The following CLSTN2 variants were observed in gnomAD, a reference collection of about 807,000 sequenced individuals.
CLSTN2 encodes calsyntenin-2.
A neutral mutation model predicts 101.2 loss-of-function variants in CLSTN2; 48 were observed. The ratio of observed to expected loss-of-function variants is 0.47; its 90% confidence interval spans 0.38 to 0.60. The LOEUF is 0.60. CLSTN2 is among the 20% of genes least tolerant of loss of function. The pLI is 0.00. For missense variants in CLSTN2, 1,160 were observed against 1,238.2 expected (o/e 0.94, Z 0.95); for synonymous variants, 481 against 463.6 (o/e 1.04, Z -0.48).
chr3:140,403,600 C>T, intron 2 of CLSTN2, 29 bp from the exon 3 acceptor site: 3 of 1,560,054 alleles, frequency 1.9e-6, no homozygotes, highest in South Asian at 1.2e-5. Context: ...TCTCAGGATT[C>T]CCACTCACTG....
chr3:140,057,646 G>C (rs1483579047), intron 1 of CLSTN2, among the ~76,000 whole-genome samples: 1 of 151,966 alleles, frequency 6.6e-6, no homozygotes, highest in African/African-American at 2.4e-5. Flanking sequence ...CTATGTTATA[G>C]TTCTCTCTTT....
chr3:140,533,388 G>A (rs1935298608), intron 9 of CLSTN2, among the ~76,000 whole-genome samples: 1 of 152,110 alleles, frequency 6.6e-6, no homozygotes, highest in Admixed American at 6.5e-5. Context: ...TCACCATGAG[G>A]GGCTGGGGAT....
At chr3:139,988,463 A>G (rs970455203) in intron 1 of CLSTN2, among the ~76,000 whole-genome samples, 4 of 152,198 alleles carry the variant, frequency 2.6e-5, no homozygotes, top group Non-Finnish European at 5.9e-5. Context: ...TCAGTTACAA[A>G]GTCCGTTTAT....
At chr3:140,280,455 G>A (rs2086834638) in intron 2 of CLSTN2, among the ~76,000 whole-genome samples, 1 of 152,148 alleles carries the variant, frequency 6.6e-6, no homozygotes, top group Non-Finnish European at 1.5e-5. Flanking sequence ...GAAGGAGAAA[G>A]GGCAGCAAGA....
At chr3:140,355,167 T>C (rs2087655887) in intron 2 of CLSTN2, among the ~76,000 whole-genome samples, 1 of 152,220 alleles carries the variant, frequency 6.6e-6, no homozygotes, top group South Asian at 2.1e-4. Context: ...AAATTGTGCA[T>C]GGATAAAAAA....
chr3:140,469,530 C>A (rs1483614696), intron 8 of CLSTN2, among the ~76,000 whole-genome samples: 1 of 152,198 alleles, frequency 6.6e-6, no homozygotes, highest in Non-Finnish European at 1.5e-5. Context: ...TCACCTCCCC[C>A]AGGAAGCCAT....
chr3:140,331,388 A>G (rs2087382039), intron 2 of CLSTN2, among the ~76,000 whole-genome samples: 1 of 152,108 alleles, frequency 6.6e-6, no homozygotes, highest in South Asian at 2.1e-4. Context: ...GTCCTCTGAA[A>G]ATACCCTCTC....
At position 140,560,335 on chromosome 3, in the gene CLSTN2, G is replaced by T. The variant is rs114113386; in HGVS notation, c.2041+1478G>T. On this transcript the variant is annotated intron_variant, in intron 12 of 16. Transcript: ENST00000458420. ...TATGCTGTCAATACCAAAGACAGGA[G>T]ATTCCCCCAACATGCACACACACAC... is the stretch of plus-strand genomic sequence containing the variant. Among the ~76,000 whole-genome samples the T allele has an allele frequency of 2.3e-3, 350 of 152,292 alleles. 1 individual carries two copies. Among genetic ancestry groups the T allele is most frequent in the Middle Eastern group, 0.01 (3 of 294 alleles).
intron 1 of CLSTN2, among the ~76,000 whole-genome samples, chr3:140,045,540 T>C (rs1438997288): frequency 6.6e-6 from 1 of 151,892 alleles, no homozygotes; most frequent in Admixed American, 6.6e-5. Context: ...TTCTGCTAGT[T>C]ATTTCTTGTC....
chr3:140,159,686 G>T (rs1341517639), intron 1 of CLSTN2, among the ~76,000 whole-genome samples: 3 of 151,994 alleles, frequency 2.0e-5, no homozygotes, highest in Non-Finnish European at 4.4e-5. Flanking sequence ...ATGAAAACAA[G>T]TCATTCTACC....
chr3:140,318,584 T>G (rs189248103), intron 2 of CLSTN2, among the ~76,000 whole-genome samples: 50 of 152,310 alleles, frequency 3.3e-4, no homozygotes, highest in Admixed American at 8.5e-4. Context: ...TGTGCAAAGT[T>G]TGCTACTGCT....
rs578106896 is a variant in CLSTN2, at chr3:140,566,422, C to T, written c.*169C>T. The stretch of plus-strand genomic sequence containing the variant: ...CCTTGGGCACTCCCTGTGTTTCATC[C>T]ATGGGGAAGTTCCAAGAAGCCCAGC... On this transcript the variant is annotated 3_prime_UTR_variant, in exon 17 of 17. Coordinates refer to ENST00000458420, the MANE Select transcript of CLSTN2 (RefSeq NM_022131.3). 1.5e-6 allele frequency: 1 copy of T among 665,390 alleles called. No individual in the cohort carries two copies. Among genetic ancestry groups the T allele is most frequent in the African/African-American group, 1.8e-5 (1 of 55,224 alleles). The allele number at this position is 665,390 out of a possible 1,614,324, so 41.2% of individuals were successfully genotyped here.
intron 2 of CLSTN2, among the ~76,000 whole-genome samples, chr3:140,289,334 T>G (rs531482157): frequency 1.1e-3 from 165 of 152,056 alleles, no homozygotes; most frequent in Middle Eastern, 3.4e-3. Context: ...TTGTGTTTTT[T>G]TTTGTTTGTT....
intron 1 of CLSTN2, among the ~76,000 whole-genome samples, chr3:140,110,555 G>GA (rs2009137293): frequency 6.6e-6 from 1 of 152,142 alleles, no homozygotes; most frequent in Non-Finnish European, 1.5e-5. Flanking sequence ...TGTTATTAGA[G>GA]AAAAAATTAA....
chr3:140,315,005 A>T (rs1446386616), intron 2 of CLSTN2, among the ~76,000 whole-genome samples: 1 of 152,242 alleles, frequency 6.6e-6, no homozygotes, highest in African/African-American at 2.4e-5. Context: ...CTCTGGTCTC[A>T]TTTAAATGAG....
chr3:139,987,561 C>T (rs1172949687), intron 1 of CLSTN2, among the ~76,000 whole-genome samples: 1 of 152,160 alleles, frequency 6.6e-6, no homozygotes, highest in Non-Finnish European at 1.5e-5. Context: ...CGGCTTAGAG[C>T]TTATATTGCA....
intron 1 of CLSTN2, among the ~76,000 whole-genome samples, chr3:139,961,604 G>A (rs1487274004): frequency 6.6e-6 from 1 of 152,210 alleles, no homozygotes; most frequent in Non-Finnish European, 1.5e-5. Context: ...ACTTTGCAGA[G>A]AAGACATTTC....
At chr3:140,363,601 GACCCGGTAGGC>G (rs66572512) in intron 2 of CLSTN2, among the ~76,000 whole-genome samples, 58,551 of 151,866 alleles carry the variant, frequency 0.39, 12,641 homozygotes, top group Non-Finnish European at 0.5. Flanking sequence ...CAGTCAGAGG[GACCCGGTAGGC>G]ACTTAGGGTT....
chr3:140,518,939 T>G (rs1206624661), intron 8 of CLSTN2, among the ~76,000 whole-genome samples: 1 of 152,228 alleles, frequency 6.6e-6, no homozygotes, highest in Non-Finnish European at 1.5e-5. Context: ...ACTTGATATC[T>G]TTCTAGCTTT....
Sources: allele counts gnomAD v4.1 joint callset (sites outside exome capture counted in the v4.1 genomes callset), GRCh38; gene constraint gnomAD v4.1.1; transcripts MANE v1.5; gene names NCBI Gene and HGNC (gene_info 2026-07-23, HGNC 2026-07-21).